Variants in NCAN observed in about 807,000 individuals in gnomAD.
NCAN encodes the protein neurocan.
A neutral mutation model predicts 121.8 loss-of-function variants in NCAN; 47 were observed. The ratio of observed to expected loss-of-function variants is 0.39; its 90% CI spans 0.31 to 0.49. The LOEUF is 0.49. Among genes scored for constraint, NCAN ranks in the 20% least tolerant of loss-of-function variants. The probability of loss-of-function intolerance (pLI) is 0.92; values close to 1 mark genes in which losing one functional copy is unlikely to be tolerated. For missense variants in NCAN, 1,517 were observed against 1,773.4 expected, an observed-to-expected ratio of 0.86 and a Z score of 2.60; for synonymous variants, 633 against 702.0, an observed-to-expected ratio of 0.90 and a Z score of 1.55.
rs1017154684 is a variant in NCAN, at chr19:19,225,397, G to T, written c.1072+127G>T. 6.7e-6 allele frequency: 8 copies of T among 1,198,230 alleles called. No homozygotes were observed. Among genetic ancestry groups the T allele is most frequent in the Non-Finnish European group, 7.7e-6 (7 of 905,552 alleles). The allele number at this position is 1,198,230 out of a possible 1,614,324, so 74.2% of individuals were successfully genotyped here. ...CGCTTTGTGATAAGCCACATCCCTG[G>T]GTGAGGGCCACGCCCCCGGGTGAAG... On this transcript the variant is annotated intron_variant, in intron 6 of 14. Coordinates refer to ENST00000252575, the MANE Select transcript of NCAN (RefSeq NM_004386.3). This position sits in a 1 kb window ranked among gnomAD's most constrained non-coding sequence, Gnocchi z 4.0.
rs2060855304 is a variant in NCAN at position 19,230,729 on chromosome 19, T to C, written c.3019+2090T>C. On this transcript the variant is annotated intron_variant, in intron 8 of 14. Transcript: ENST00000252575. The stretch of plus-strand genomic sequence containing the variant: ...TGGGGTGGGATCTTTTTTTTTTTTT[T>C]CCTTTTTTTTTTTTTTCCAGACAGG... Among the ~76,000 whole-genome samples, 6 of 143,730 alleles carry C rather than the reference T, an allele frequency of 4.2e-5. No individual in the cohort carries two copies. In the South Asian group the frequency reaches 1.1e-3, roughly 27 times the overall value. 94.3% of individuals were successfully genotyped at this position (143,730 alleles called of 152,430 possible). A position where few individuals can be genotyped will look rare whatever the true frequency, so the allele number is the denominator to read the frequency against.
intron 1 of NCAN, among the ~76,000 whole-genome samples, chr19:19,214,682 G>A (rs987455423): frequency 3.3e-5 from 5 of 151,462 alleles, no homozygotes; most frequent in Non-Finnish European, 7.4e-5. Flanking sequence ...AGCTTGTCCC[G>A]GATTAGAAGC....
intron 13 of NCAN, among the ~76,000 whole-genome samples, chr19:19,246,713 T>A (rs542905484): frequency 2.6e-5 from 4 of 151,988 alleles, no homozygotes; most frequent in Non-Finnish European, 5.9e-5. Context: ...TTTTTGTTTT[T>A]GTATTTTTAG....
chr19:19,233,995 G>A (rs904739163), intron 9 of NCAN, 90 bp downstream of exon 9: 16 of 816,346 alleles, frequency 2.0e-5, no homozygotes, highest in Non-Finnish European at 2.0e-6. Context: ...TCAGAATTCA[G>A]AGATCACAAA....
chr19:19,243,497 C>T (rs1439134059), intron 12 of NCAN, among the ~76,000 whole-genome samples: 1 of 109,194 alleles, frequency 9.2e-6, no homozygotes, highest in Non-Finnish European at 1.7e-5. Flanking sequence ...GCCTGGGCGA[C>T]AGAGAGAGAC....
chr19:19,247,807 C>G (rs1303475785), intron 13 of NCAN, among the ~76,000 whole-genome samples: 3 of 152,134 alleles, frequency 2.0e-5, no homozygotes, highest in Non-Finnish European at 4.4e-5. Flanking sequence ...CCCTAAGGAG[C>G]TGCTGATTTG....
In NCAN at chr19:19,238,303, C is replaced by A. The variant is rs757412246; in HGVS notation, c.3301C>A (p.Arg1101Ser). The A allele has an allele frequency of 6.2e-7, 1 of 1,614,044 alleles. No individual in the cohort carries two copies. Among genetic ancestry groups the A allele is most frequent in the Non-Finnish European group, 8.5e-7 (1 of 1,180,038 alleles). Residue 1101 changes from arginine (R) to serine (S), a missense_variant, in exon 11 of 15, where the codon CGC becomes AGC. Transcript: ENST00000252575. ...GCATAAGTTCCAGGGCCACTGTTAC[C>A]GCTATTTTGCCCACCGGAGGGCATG... The part of the protein sequence containing the change: ...GWHKFQGHCY[R>S]YFAHRRAWED...
At chr19:19,231,564 G>A (rs2060859987) in intron 8 of NCAN, among the ~76,000 whole-genome samples, 1 of 151,996 alleles carries the variant, frequency 6.6e-6, no homozygotes, top group Admixed American at 6.6e-5. Flanking sequence ...CCTGACTCAA[G>A]TGATCTGCCC....
intron 3 of NCAN, among the ~76,000 whole-genome samples, chr19:19,220,447 A>ATTTTTTTTTTTTTTT (rs1343151998): frequency 9.2e-6 from 1 of 108,730 alleles, no homozygotes; most frequent in Non-Finnish European, 1.9e-5. Context: ...TGTTTAGGCA[A>ATTTTTTTTTTTTTTT]TTCTTTTTTT....
intron 12 of NCAN, among the ~76,000 whole-genome samples, chr19:19,241,991 T>C (rs1431707861): frequency 6.6e-6 from 1 of 151,924 alleles, no homozygotes; most frequent in Non-Finnish European, 1.5e-5. Context: ...GGTCAGGAGT[T>C]CCAGAAGAGC....
In NCAN at chr19:19,227,642, G is replaced by C. The variant is rs765551496; in HGVS notation, c.2022G>C (p.Glu674Asp). The change falls in exon 8 of 15, where the codon GAG (glutamate) becomes GAC (aspartate). Residue 674 changes from glutamate (E) to aspartate (D), a missense_variant. Transcript: ENST00000252575. The surrounding 1 kb of genome is among the most constrained non-coding windows in gnomAD (Gnocchi z 4.2). ...TATAPPSPAA[E>D]TKVYSLPLSL... ...CGGCTCCACCCTCCCCTGCTGCAGAGACCAAGGTGTATTCCCTGCCTCTCT... is the reference window on the plus strand; with the variant it reads ...CGGCTCCACCCTCCCCTGCTGCAGACACCAAGGTGTATTCCCTGCCTCTCT... 1 of 1,613,968 alleles carries C rather than the reference G, an allele frequency of 6.2e-7. No individual in the cohort carries two copies. The highest frequency in any genetic ancestry group is 1.1e-5 in the South Asian group (1 of 91,084).
At chr19:19,233,689 A>C in intron 8 of NCAN, 100 bp from the exon 9 acceptor site, 1 of 730,424 alleles carries the variant, frequency 1.4e-6, no homozygotes, top group South Asian at 1.6e-5. Flanking sequence ...CTCCATAGAG[A>C]GGGTTTGATT....
In NCAN at chr19:19,212,094, G is replaced by C. The variant is rs1057331217; in HGVS notation, c.-8+30G>C. On this transcript the variant is annotated intron_variant, in intron 1 of 14. Transcript: ENST00000252575. The surrounding 1 kb of genome is among the most constrained non-coding windows in gnomAD (Gnocchi z 4.5). Reference sequence around the variant, plus strand: ...GGGATCCGTGAGGGGGCCGTGTTGCGGGAGAAGACTTCGGGATTAGAGACA... The same window carrying C: ...GGGATCCGTGAGGGGGCCGTGTTGCCGGAGAAGACTTCGGGATTAGAGACA... 2 of 185,448 alleles carry C rather than the reference G, an allele frequency of 1.1e-5. No individual in the cohort carries two copies. The highest frequency in any genetic ancestry group is 6.5e-5 in the Admixed American group (1 of 15,376). 11.5% of individuals were successfully genotyped at this position (185,448 alleles called of 1,614,324 possible). A position where few individuals can be genotyped will look rare whatever the true frequency, so the allele number is the denominator to read the frequency against.
In NCAN at chr19:19,242,654, A is replaced by C. The variant is rs532478719; in HGVS notation, c.3492+1969A>C. On this transcript the variant is annotated intron_variant, in intron 12 of 14. Transcript: ENST00000252575. ...CAGTGAGCCGAGATCGCGTCACTGC[A>C]CTCCAGCCTGGGTGACAGAGGGAGA... Among the ~76,000 whole-genome samples the C allele has an allele frequency of 1.2e-4, 19 of 152,302 alleles. No individual in the cohort carries two copies. The Middle Eastern group carries it at 0.014, about 109-fold the overall frequency.
intron 4 of NCAN, 42 bp downstream of exon 4, chr19:19,224,237 T>C (rs1194251572): frequency 6.9e-6 from 11 of 1,591,810 alleles, no homozygotes; most frequent in East Asian, 2.3e-5. Flanking sequence ...GACTAGCTCA[T>C]GGGGAAGGAG....
At chr19:19,218,606 G>A (rs1252239307) in intron 2 of NCAN, among the ~76,000 whole-genome samples, 2 of 151,992 alleles carry the variant, frequency 1.3e-5, no homozygotes, top group Non-Finnish European at 2.9e-5. Flanking sequence ...CTGAGTAGCT[G>A]GGATTACAGG....
At chr19:19,220,133 A>G (rs1225939482) in intron 3 of NCAN, among the ~76,000 whole-genome samples, 1 of 152,020 alleles carries the variant, frequency 6.6e-6, no homozygotes, top group African/African-American at 2.4e-5. Flanking sequence ...GGGGGCCACA[A>G]TATCTAGGCA....
Position 19,224,198 on chromosome 19 carries a change from G to A in NCAN, c.650+3G>A, listed in dbSNP as rs2060826601. ...TGGCTCTCTGACCGCACTGTTCGGT[G>A]AGGGGGATACACAGGGCAGGGAGAT... On this transcript the variant is annotated splice_donor_region_variant and intron_variant, in intron 4 of 14. Coordinates refer to ENST00000252575, the MANE Select transcript of NCAN (RefSeq NM_004386.3). 6.3e-7 allele frequency: 1 copy of A among 1,588,142 alleles called. No homozygotes were observed. The highest frequency in any genetic ancestry group is 1.1e-5 in the South Asian group (1 of 88,722).
At chr19:19,234,207 G>A (rs781500779) in intron 9 of NCAN, among the ~76,000 whole-genome samples, 5 of 152,170 alleles carry the variant, frequency 3.3e-5, no homozygotes, top group South Asian at 2.1e-4. Flanking sequence ...TGGAGATCCT[G>A]CCCTTTCCTG....
Sources: gnomAD v4.1 joint callset for allele counts (sites outside exome capture counted in the v4.1 genomes callset) on GRCh38, gnomAD v4.1.1 for gene constraint, Gnocchi (gnomAD v3.1) non-coding constraint, MANE v1.5 for transcripts, NCBI Gene and HGNC (gene_info 2026-07-23, HGNC 2026-07-21) for gene names.